The following FTO variants were observed in gnomAD, a reference collection of about 807,000 sequenced individuals.
FTO encodes alpha-ketoglutarate-dependent dioxygenase FTO.
Under a neutral mutation model 63.9 loss-of-function variants are expected in FTO, and 47 were observed. The ratio of observed to expected loss-of-function variants is 0.74; its 90% CI spans 0.58 to 0.94. The LOEUF is 0.94. FTO is among the 40% of genes least tolerant of loss of function. FTO has a pLI of 0.00. For synonymous variants in FTO, 207 were observed against 224.4 expected, an observed-to-expected ratio of 0.92 and a Z score of 0.69; for missense variants, 562 against 618.1, an observed-to-expected ratio of 0.91 and a Z score of 0.96.
At chr16:53,761,983 G>C (rs531402561) in intron 1 of FTO, among the ~76,000 whole-genome samples, 1 of 152,214 alleles carries the variant, frequency 6.6e-6, no homozygotes, top group East Asian at 1.9e-4. Context: ...GTAGACTTTG[G>C]GGGTAATACT....
At position 54,087,223 on chromosome 16, in the gene FTO, G is replaced by T. The variant is rs555691781; in HGVS notation, c.1365-24539G>T. ...AACACCTAAAACCATTCCTGAAAGC[G>T]TTTTTGGTTTCTAGAAAAACATCTG... On this transcript the variant is annotated intron_variant, in intron 8 of 8. Coordinates refer to ENST00000471389, the MANE Select transcript of FTO (RefSeq NM_001080432.3). Among the ~76,000 whole-genome samples the T allele has an allele frequency of 5.3e-3, 811 of 152,276 alleles. 4 individuals are homozygous for T. Among genetic ancestry groups the T allele is most frequent in the African/African-American group, 0.019 (777 of 41,540 alleles).
chr16:53,843,553 T>C (rs1264427553), intron 3 of FTO, among the ~76,000 whole-genome samples: 1 of 152,252 alleles, frequency 6.6e-6, no homozygotes, highest in African/African-American at 2.4e-5. Flanking sequence ...TTGGCCTTTA[T>C]CTTACTGATG....
In FTO at chr16:54,057,488, C is replaced by T. The variant is rs138053577; in HGVS notation, c.1365-54274C>T. 1.6e-3 allele frequency among the ~76,000 whole-genome samples: 247 copies of T among 152,284 alleles called. 2 individuals are homozygous for T. Among genetic ancestry groups the T allele is most frequent in the African/African-American group, 5.3e-3 (219 of 41,562 alleles). On this transcript the variant is annotated intron_variant, in intron 8 of 8. Coordinates refer to ENST00000471389, the MANE Select transcript of FTO (RefSeq NM_001080432.3). ...TTGTTTTTTGTTTTTTGTTTTGACA[C>T]GGTCTCATTCTGTCGCCCAGGCTGG...
At chr16:54,109,308 C>T (rs1298369360) in intron 8 of FTO, among the ~76,000 whole-genome samples, 2 of 152,198 alleles carry the variant, frequency 1.3e-5, no homozygotes, top group Non-Finnish European at 2.9e-5. Context: ...AGCCACTTCC[C>T]ATACCAGCCA....
intron 8 of FTO, among the ~76,000 whole-genome samples, chr16:53,997,435 T>C (rs1205384069): frequency 3.3e-5 from 5 of 151,894 alleles, no homozygotes; most frequent in African/African-American, 1.2e-4. Flanking sequence ...GGAGATCAGA[T>C]CAGGACCACA....
At chr16:53,775,714 C>T (rs1370359542) in intron 1 of FTO, among the ~76,000 whole-genome samples, 1 of 152,128 alleles carries the variant, frequency 6.6e-6, no homozygotes, top group Non-Finnish European at 1.5e-5. Context: ...GGTCTAATCA[C>T]TGATGTCAGA....
intron 1 of FTO, among the ~76,000 whole-genome samples, chr16:53,746,552 C>CT (rs1017643474): frequency 6.6e-6 from 1 of 151,788 alleles, no homozygotes; most frequent in Non-Finnish European, 1.5e-5. Context: ...AATGTAGTTT[C>CT]TTTTTTTTAA....
chr16:54,105,377 T>C (rs976425498), intron 8 of FTO, among the ~76,000 whole-genome samples: 18 of 152,234 alleles, frequency 1.2e-4, no homozygotes, highest in African/African-American at 4.1e-4. Context: ...CAAGAATAGC[T>C]GACTAGTCAA....
At chr16:54,091,228 A>G (rs1388881026) in intron 8 of FTO, among the ~76,000 whole-genome samples, 1 of 152,218 alleles carries the variant, frequency 6.6e-6, no homozygotes, top group Non-Finnish European at 1.5e-5. Context: ...GGAAACCAAC[A>G]GATAATATCT....
intron 8 of FTO, among the ~76,000 whole-genome samples, chr16:53,974,364 A>T (rs1220345270): frequency 6.6e-6 from 1 of 152,200 alleles, no homozygotes; most frequent in Non-Finnish European, 1.5e-5. Flanking sequence ...ATAAAGAATT[A>T]TTTCCGTTTT....
chr16:53,957,927 GAA>G (rs1204582121), intron 8 of FTO, among the ~76,000 whole-genome samples: 1 of 152,202 alleles, frequency 6.6e-6, no homozygotes, highest in African/African-American at 2.4e-5. Context: ...ATATTTGGGG[GAA>G]TCCTATCTTC....
intron 3 of FTO, 35 bp downstream of exon 3, chr16:53,826,526 G>T: frequency 1.2e-6 from 2 of 1,606,746 alleles, no homozygotes; most frequent in Non-Finnish European, 8.5e-7. Flanking sequence ...AGCCCTGTAT[G>T]TAATAATATG....
intron 8 of FTO, among the ~76,000 whole-genome samples, chr16:54,083,944 T>A (rs2086206159): frequency 6.6e-6 from 1 of 152,160 alleles, no homozygotes; most frequent in African/African-American, 2.4e-5. Flanking sequence ...AGGTTAAGCA[T>A]CCCTAATCCA....
At chr16:53,804,855 T>C (rs1220457904) in intron 1 of FTO, among the ~76,000 whole-genome samples, 1 of 152,100 alleles carries the variant, frequency 6.6e-6, no homozygotes, top group African/African-American at 2.4e-5. Context: ...CCTCAAGTGA[T>C]CCGTCTTCCT....
intron 1 of FTO, among the ~76,000 whole-genome samples, chr16:53,765,367 G>T (rs57292959): frequency 0.42 from 63,158 of 151,314 alleles, 13,434 homozygotes; most frequent in Non-Finnish European, 0.44. Context: ...GACCAGCCTG[G>T]GCAATATGGT....
chr16:53,777,368 A>T (rs2077485464), intron 1 of FTO, among the ~76,000 whole-genome samples: 1 of 152,204 alleles, frequency 6.6e-6, no homozygotes, highest in African/African-American at 2.4e-5. Context: ...GTTGTCACAG[A>T]TGACAGAATT....
intron 6 of FTO, among the ~76,000 whole-genome samples, chr16:53,884,784 T>C (rs2080954621): frequency 1.3e-5 from 2 of 152,238 alleles, no homozygotes; most frequent in African/African-American, 4.8e-5. Context: ...TCTCCTCTTC[T>C]AGGCTTATTT....
intron 1 of FTO, among the ~76,000 whole-genome samples, chr16:53,767,704 T>A (rs2151623487): frequency 6.6e-6 from 1 of 152,298 alleles, no homozygotes; most frequent in Middle Eastern, 3.4e-3. Flanking sequence ...TGTGATATGA[T>A]GCATTCAACT....
chr16:53,857,285 G>A (rs2080030461), intron 4 of FTO, among the ~76,000 whole-genome samples: 1 of 152,010 alleles, frequency 6.6e-6, no homozygotes, highest in Admixed American at 6.5e-5. Context: ...CTTTCTTTGT[G>A]TCCATGTTTA....
Sources: gnomAD v4.1 joint callset for allele counts (sites outside exome capture counted in the v4.1 genomes callset) on GRCh38, gnomAD v4.1.1 for gene constraint, MANE v1.5 for transcripts, NCBI Gene and HGNC (gene_info 2026-07-23, HGNC 2026-07-21) for gene names.